CNTN5: variants seen among roughly 807,000 people sequenced by gnomAD.
CNTN5 encodes contactin 5.
Under a neutral mutation model 129.1 loss-of-function variants are expected in CNTN5, and 77 were observed. That is an observed-to-expected ratio of 0.60 (90% confidence interval 0.50 to 0.72). The LOEUF is 0.72. Among genes scored for constraint, CNTN5 ranks in the 30% least tolerant of loss-of-function variants. CNTN5 has a pLI of 0.00. For missense variants in CNTN5, 1,478 were observed against 1,328.8 expected, an observed-to-expected ratio of 1.11 and a Z score of -1.75; for synonymous variants, 509 against 465.6, an observed-to-expected ratio of 1.09 and a Z score of -1.20.
At chr11:100,169,398 A>G (rs1434013426) in intron 13 of CNTN5, among the ~76,000 whole-genome samples, 1 of 151,894 alleles carries the variant, frequency 6.6e-6, no homozygotes, top group African/African-American at 2.4e-5. Flanking sequence ...AAGCCATTTA[A>G]TATTTCTGAA....
At chr11:99,941,067 C>T (rs1014792580) in intron 7 of CNTN5, among the ~76,000 whole-genome samples, 5 of 152,026 alleles carry the variant, frequency 3.3e-5, no homozygotes, top group East Asian at 1.9e-4. Flanking sequence ...AAATTTTATA[C>T]GTTTCATTAA....
At chr11:99,822,106 G>C (rs569000781) in intron 4 of CNTN5, among the ~76,000 whole-genome samples, 20 of 152,106 alleles carry the variant, frequency 1.3e-4, no homozygotes, top group Middle Eastern at 3.4e-3. Context: ...ATGCTCTTAC[G>C]AAAAATGAGA....
intron 1 of CNTN5, among the ~76,000 whole-genome samples, chr11:99,251,738 A>C (rs1862115395): frequency 6.6e-6 from 1 of 151,960 alleles, no homozygotes; most frequent in South Asian, 2.1e-4. Context: ...CACAGTAGGA[A>C]TGGTAACATT....
chr11:99,846,374 A>T (rs2135704500), intron 6 of CNTN5, among the ~76,000 whole-genome samples: 1 of 151,190 alleles, frequency 6.6e-6, no homozygotes, highest in Non-Finnish European at 1.5e-5. Flanking sequence ...AAAAAAAAAA[A>T]AAAAAAGAAG....
At chr11:99,706,037 T>C (rs2134910413) in intron 3 of CNTN5, among the ~76,000 whole-genome samples, 2 of 151,642 alleles carry the variant, frequency 1.3e-5, no homozygotes, top group African/African-American at 4.8e-5. Context: ...TAATCATTTG[T>C]TAAATATTTA....
At chr11:99,953,699 T>C (rs144984894) in intron 7 of CNTN5, among the ~76,000 whole-genome samples, 29 of 152,326 alleles carry the variant, frequency 1.9e-4, no homozygotes, top group African/African-American at 7.0e-4. Flanking sequence ...TGAATAGCAG[T>C]GTCTGCCCAA....
At chr11:99,301,755 A>G (rs1194706520) in intron 1 of CNTN5, among the ~76,000 whole-genome samples, 2 of 151,792 alleles carry the variant, frequency 1.3e-5, no homozygotes, top group African/African-American at 4.8e-5. Context: ...TTTATAGAAC[A>G]TTCTACCCAA....
intron 8 of CNTN5, among the ~76,000 whole-genome samples, chr11:99,991,104 G>T (rs935697859): frequency 6.6e-6 from 1 of 152,166 alleles, no homozygotes; most frequent in Admixed American, 6.5e-5. Context: ...ATCCAGATAG[G>T]TTATGAGCTA....
rs371622965 is a variant in CNTN5, at chr11:99,947,786, T to C, written c.674-9020T>C. Among the ~76,000 whole-genome samples the C allele has an allele frequency of 6.6e-5, 10 of 152,300 alleles. No individual in the cohort carries two copies. In the South Asian group the frequency reaches 2.1e-3, roughly 32 times the overall value. On this transcript the variant is annotated intron_variant, in intron 7 of 24. Transcript: ENST00000524871. The stretch of plus-strand genomic sequence containing the variant: ...TAAAACACTTATTTGTTTCTGTTAG[T>C]ATTCAGACTGCAATAAATCTTCAAA...
chr11:99,915,601 T>C (rs1467359365), intron 6 of CNTN5, among the ~76,000 whole-genome samples: 1 of 152,212 alleles, frequency 6.6e-6, no homozygotes, highest in African/African-American at 2.4e-5. Flanking sequence ...CCTCTCTAAT[T>C]TGGCATGCTC....
intron 1 of CNTN5, among the ~76,000 whole-genome samples, chr11:99,113,730 T>C (rs1254223693): frequency 6.6e-6 from 1 of 152,102 alleles, no homozygotes. Flanking sequence ...GCTGAAACCA[T>C]GAGTGAGTCA....
At chr11:99,691,115 G>T (rs1242815568) in intron 3 of CNTN5, among the ~76,000 whole-genome samples, 4 of 151,132 alleles carry the variant, frequency 2.6e-5, no homozygotes, top group African/African-American at 9.7e-5. Context: ...GGCCATTATT[G>T]TTTCTGATTG....
chr11:100,107,108 A>T (rs1433473527), intron 13 of CNTN5, among the ~76,000 whole-genome samples: 1 of 152,160 alleles, frequency 6.6e-6, no homozygotes, highest in African/African-American at 2.4e-5. Flanking sequence ...TTTTGAACCT[A>T]GCTTAGACAT....
intron 2 of CNTN5, among the ~76,000 whole-genome samples, chr11:99,492,789 G>A (rs916722114): frequency 6.6e-6 from 1 of 152,194 alleles, no homozygotes; most frequent in Non-Finnish European, 1.5e-5. Flanking sequence ...GCTTGGATTT[G>A]AGGAAGGGGA....
At chr11:99,938,138 G>C (rs1293246407) in intron 7 of CNTN5, among the ~76,000 whole-genome samples, 2 of 152,044 alleles carry the variant, frequency 1.3e-5, no homozygotes, top group African/African-American at 2.4e-5. Flanking sequence ...TGGAGGAAAG[G>C]GTGAGATCTG....
chr11:99,576,275 A>C lies in CNTN5; in HGVS notation c.55+20006A>C, dbSNP rs190304007. On this transcript the variant is annotated intron_variant, in intron 3 of 24. Transcript: ENST00000524871. ...AATTGCCAAAACAAGCTTTGTTTTA[A>C]TACCTTAAGGTATATGGAATGCTGA... Among the ~76,000 whole-genome samples, 38 of 152,306 alleles carry C rather than the reference A, an allele frequency of 2.5e-4. No homozygotes were observed. In the East Asian group the frequency reaches 6.0e-3, roughly 24 times the overall value.
intron 8 of CNTN5, among the ~76,000 whole-genome samples, chr11:99,969,975 C>T (rs1454680814): frequency 6.6e-6 from 1 of 152,156 alleles, no homozygotes; most frequent in Non-Finnish European, 1.5e-5. Flanking sequence ...ATCCCACAAA[C>T]TAACTTCTGC....
At chr11:99,614,962 C>T (rs1235883120) in intron 3 of CNTN5, among the ~76,000 whole-genome samples, 1 of 150,754 alleles carries the variant, frequency 6.6e-6, no homozygotes, top group Non-Finnish European at 1.5e-5. Flanking sequence ...TGTGTGTGTG[C>T]ATGTGTGTGT....
intron 3 of CNTN5, among the ~76,000 whole-genome samples, chr11:99,713,214 C>A (rs1046298150): frequency 6.6e-6 from 1 of 151,804 alleles, no homozygotes; most frequent in African/African-American, 2.4e-5. Context: ...CCTTGTAAGT[C>A]GGATTCCTAG....
Sources: allele counts gnomAD v4.1 joint callset (sites outside exome capture counted in the v4.1 genomes callset), GRCh38; gene constraint gnomAD v4.1.1; transcripts MANE v1.5; gene names NCBI Gene and HGNC (gene_info 2026-07-23, HGNC 2026-07-21).